PTPRT: variants seen among roughly 807,000 people sequenced by gnomAD.
PTPRT encodes protein tyrosine phosphatase receptor type T, also known as receptor-type tyrosine-protein phosphatase T.
PTPRT carries 56 observed loss-of-function variants against 176.8 expected under a neutral mutation model. That is an observed-to-expected ratio of 0.32 (90% CI 0.26 to 0.40). The LOEUF (loss-of-function observed/expected upper bound fraction) is 0.40, where lower values mean the gene tolerates loss of function less well. Ranked by LOEUF, PTPRT falls within the 10% of genes least tolerant of loss-of-function variation. The pLI, the probability that PTPRT is intolerant of heterozygous loss-of-function variation, is 1.00. For missense variants in PTPRT, 1,540 were observed against 1,908.2 expected (o/e 0.81, Z 3.60); for synonymous variants, 783 against 739.0 (o/e 1.06, Z -0.96).
At chr20:43,065,328 T>C (rs1440710884) in intron 1 of PTPRT, among the ~76,000 whole-genome samples, 2 of 152,186 alleles carry the variant, frequency 1.3e-5, no homozygotes, top group African/African-American at 4.8e-5. Context: ...GCAAATCACA[T>C]GTAGTAAGGA....
At chr20:42,277,731 C>T (rs1406790179) in intron 13 of PTPRT, among the ~76,000 whole-genome samples, 1 of 152,076 alleles carries the variant, frequency 6.6e-6, no homozygotes, top group Non-Finnish European at 1.5e-5. Flanking sequence ...CAGAGGCTGG[C>T]TGGCCTTCTT....
chr20:42,048,757 T>G, the PTPRT span, among the ~76,000 whole-genome samples: 1 of 152,176 alleles, frequency 6.6e-6, no homozygotes, highest in Non-Finnish European at 1.5e-5. Context: ...TGACCTGTAT[T>G]AATTGCTGAC....
intron 11 of PTPRT, among the ~76,000 whole-genome samples, chr20:42,347,448 G>A (rs1010713721): frequency 6.6e-6 from 1 of 152,076 alleles, no homozygotes; most frequent in Non-Finnish European, 1.5e-5. Context: ...TACAGTCAAT[G>A]TACCTAGTGG....
At chr20:42,339,335 C>G (rs1441853758) in intron 11 of PTPRT, among the ~76,000 whole-genome samples, 3 of 152,060 alleles carry the variant, frequency 2.0e-5, no homozygotes, top group Non-Finnish European at 2.9e-5. Context: ...GTTTTTAGCC[C>G]CCACGTGGAC....
At chr20:43,112,704 C>T (rs960842742) in intron 1 of PTPRT, among the ~76,000 whole-genome samples, 6 of 152,178 alleles carry the variant, frequency 3.9e-5, no homozygotes, top group Non-Finnish European at 7.4e-5. Flanking sequence ...ATGATTGAAT[C>T]GAAACTCAAA....
rs2079078943 is a variant in PTPRT, at chr20:42,884,948, G to A, written c.214+859C>T. On this transcript the variant is annotated intron_variant, in intron 2 of 30. Coordinates refer to ENST00000373187, the MANE Select transcript of PTPRT (RefSeq NM_007050.6). ...CTTACGCAGGTATACCCCACATTTA[G>A]AGTCTAAGTGTTCTCTCTGAGAAGA... Among the ~76,000 whole-genome samples the A allele has an allele frequency of 2.0e-5, 3 of 151,964 alleles. No homozygotes were observed. In the South Asian group the frequency reaches 6.2e-4, roughly 32 times the overall value.
chr20:42,803,761 C>T (rs1319669208), intron 2 of PTPRT, among the ~76,000 whole-genome samples: 1 of 152,164 alleles, frequency 6.6e-6, no homozygotes. Flanking sequence ...ACCATGTTGG[C>T]CAGGTTGGTC....
At chr20:42,513,385 T>C (rs1054132196) in intron 7 of PTPRT, among the ~76,000 whole-genome samples, 4 of 152,154 alleles carry the variant, frequency 2.6e-5, no homozygotes, top group Non-Finnish European at 5.9e-5. Flanking sequence ...TTCTAATTTA[T>C]TGAGTTAACT....
intron 2 of PTPRT, among the ~76,000 whole-genome samples, chr20:42,862,512 G>A (rs181056325): frequency 6.6e-6 from 1 of 152,252 alleles, no homozygotes; most frequent in African/African-American, 2.4e-5. Flanking sequence ...TCCCACTGTG[G>A]GGGCTGTTCA....
chr20:42,035,527 C>G, the PTPRT span, among the ~76,000 whole-genome samples: 187 of 152,254 alleles, frequency 1.2e-3, 1 homozygote, highest in Admixed American at 3.0e-3. Flanking sequence ...CTTGGAGCAT[C>G]CCAACAGCCC....
At chr20:42,807,975 C>T (rs2077637054) in intron 2 of PTPRT, among the ~76,000 whole-genome samples, 1 of 152,210 alleles carries the variant, frequency 6.6e-6, no homozygotes, top group South Asian at 2.1e-4. Flanking sequence ...CACTTAGGCA[C>T]ACAGTCTTTA....
At chr20:42,331,938 G>C (rs2057970521) in intron 11 of PTPRT, among the ~76,000 whole-genome samples, 1 of 151,910 alleles carries the variant, frequency 6.6e-6, no homozygotes, top group South Asian at 2.1e-4. Flanking sequence ...CCCTGGAAAG[G>C]TAGGCAATAC....
chr20:43,057,914 TG>T (rs2014620897), intron 1 of PTPRT, among the ~76,000 whole-genome samples: 1 of 152,242 alleles, frequency 6.6e-6, no homozygotes, highest in South Asian at 2.1e-4. Flanking sequence ...AAGTCAGTTT[TG>T]TTCCCCCACT....
chr20:42,944,889 ATC>A (rs1162156773), intron 1 of PTPRT, among the ~76,000 whole-genome samples: 4 of 152,114 alleles, frequency 2.6e-5, no homozygotes, highest in African/African-American at 9.7e-5. Context: ...AATATTGTTC[ATC>A]TGAGTCGGTG....
chr20:42,537,062 T>C (rs1401390627), intron 7 of PTPRT, among the ~76,000 whole-genome samples: 1 of 151,996 alleles, frequency 6.6e-6, no homozygotes, highest in Non-Finnish European at 1.5e-5. Flanking sequence ...AAGTTGAAAA[T>C]TTCTCTAAGA....
At chr20:43,090,204 C>A (rs758511402) in intron 1 of PTPRT, among the ~76,000 whole-genome samples, 19 of 152,028 alleles carry the variant, frequency 1.2e-4, no homozygotes, top group Non-Finnish European at 2.5e-4. Flanking sequence ...TTTCACAGAA[C>A]CCTTAATTAA....
intron 7 of PTPRT, among the ~76,000 whole-genome samples, chr20:42,504,312 T>C (rs533476413): frequency 6.6e-6 from 1 of 152,192 alleles, no homozygotes; most frequent in African/African-American, 2.4e-5. Context: ...ATTTGTTCAA[T>C]GAATGAATGA....
chr20:43,126,765 C>T (rs890840899), intron 1 of PTPRT, among the ~76,000 whole-genome samples: 9 of 152,296 alleles, frequency 5.9e-5, no homozygotes, highest in South Asian at 2.1e-4. Context: ...CCTCAGGAGA[C>T]GAGGCCACCT....
chr20:42,353,081 T>G (rs759743948), intron 9 of PTPRT, among the ~76,000 whole-genome samples: 1 of 152,240 alleles, frequency 6.6e-6, no homozygotes, highest in Non-Finnish European at 1.5e-5. Context: ...CTTACAAATA[T>G]GTCTTTTACC....
Sources: allele counts gnomAD v4.1 joint callset (sites outside exome capture counted in the v4.1 genomes callset), GRCh38; gene constraint gnomAD v4.1.1; transcripts MANE v1.5; gene names NCBI Gene and HGNC (gene_info 2026-07-23, HGNC 2026-07-21).